The following EYS variants were observed in gnomAD, a reference collection of about 807,000 sequenced individuals.
EYS encodes the protein protein eyes shut homolog.
Under a neutral mutation model 282.1 loss-of-function variants are expected in EYS, and 250 were observed. The observed-to-expected ratio is 0.89, with a 90% CI of 0.80 to 0.98. The LOEUF is 0.98. EYS is among the 50% of genes least tolerant of loss of function. EYS has a pLI of 0.00. For missense variants in EYS, 4,016 were observed against 3,709.0 expected, an observed-to-expected ratio of 1.08 and a Z score of -2.15; for synonymous variants, 1,355 against 1,282.9, an observed-to-expected ratio of 1.06 and a Z score of -1.20.
intron 22 of EYS, among the ~76,000 whole-genome samples, chr6:64,641,459 C>G (rs1188020977): frequency 6.6e-6 from 1 of 152,160 alleles, no homozygotes; most frequent in Non-Finnish European, 1.5e-5. Flanking sequence ...TTACATGGTA[C>G]AGATTGCATG....
chr6:64,782,599 A>G (rs2149994691), intron 22 of EYS, among the ~76,000 whole-genome samples: 1 of 152,310 alleles, frequency 6.6e-6, no homozygotes, highest in East Asian at 1.9e-4. Flanking sequence ...CTCTTTAAAA[A>G]ACTTAACTGC....
chr6:64,071,716 C>A (rs956929956), intron 32 of EYS, among the ~76,000 whole-genome samples: 13 of 146,052 alleles, frequency 8.9e-5, no homozygotes, highest in African/African-American at 3.0e-4. Flanking sequence ...TTTTTATATA[C>A]CCTTTTAAAA....
intron 4 of EYS, among the ~76,000 whole-genome samples, chr6:65,493,001 C>CT (rs1277617831): frequency 6.6e-6 from 1 of 152,160 alleles, no homozygotes; most frequent in Non-Finnish European, 1.5e-5. Flanking sequence ...ACTACAAACT[C>CT]TACCTCCTGG....
At chr6:64,794,487 C>T (rs1448383603) in intron 22 of EYS, among the ~76,000 whole-genome samples, 1 of 152,066 alleles carries the variant, frequency 6.6e-6, no homozygotes, top group Non-Finnish European at 1.5e-5. Flanking sequence ...CTCTCTTCTG[C>T]CCACCATGTG....
At chr6:64,439,110 A>T in intron 27 of EYS, 52 bp downstream of exon 27, 1 of 1,019,804 alleles carries the variant, frequency 9.8e-7, no homozygotes, top group African/African-American at 1.7e-5. Context: ...TGAAGCACAT[A>T]ATTAGAACAA....
chr6:63,859,468 T>C (rs434873), intron 36 of EYS, among the ~76,000 whole-genome samples: 150,971 of 151,932 alleles, frequency 0.99, 75,016 homozygotes, highest in Middle Eastern at 1. Flanking sequence ...ATTGAGAGGC[T>C]TAAGTTGGGA....
intron 24 of EYS, among the ~76,000 whole-genome samples, chr6:64,595,273 C>A (rs1239191898): frequency 6.6e-6 from 1 of 151,964 alleles, no homozygotes; most frequent in Non-Finnish European, 1.5e-5. Flanking sequence ...ACAAATTTGG[C>A]ATTAAAAAAT....
At chr6:64,920,916 T>G (rs1036772764) in intron 15 of EYS, among the ~76,000 whole-genome samples, 1 of 152,148 alleles carries the variant, frequency 6.6e-6, no homozygotes, top group Admixed American at 6.5e-5. Flanking sequence ...GCATGTCAGG[T>G]GTTTCATATG....
chr6:64,660,957 T>C (rs1768990549), intron 22 of EYS, among the ~76,000 whole-genome samples: 2 of 152,184 alleles, frequency 1.3e-5, no homozygotes, highest in Non-Finnish European at 2.9e-5. Flanking sequence ...AGAACAAAGC[T>C]GGAGGCATCA....
chr6:65,444,393 C>G (rs968479366), intron 5 of EYS, among the ~76,000 whole-genome samples: 1 of 151,912 alleles, frequency 6.6e-6, no homozygotes, highest in African/African-American at 2.4e-5. Flanking sequence ...TTATTCTCCC[C>G]TCCTTCACAA....
At chr6:65,242,160 C>CA (rs1373685120) in intron 12 of EYS, among the ~76,000 whole-genome samples, 8 of 151,954 alleles carry the variant, frequency 5.3e-5, no homozygotes, top group African/African-American at 1.9e-4. Context: ...ACGAACTATA[C>CA]ACTTTACCAT....
intron 31 of EYS, among the ~76,000 whole-genome samples, chr6:64,158,502 A>G (rs1039861171): frequency 6.6e-6 from 1 of 152,186 alleles, no homozygotes; most frequent in African/African-American, 2.4e-5. Context: ...AGTGATATGC[A>G]TTGAATTAAT....
At chr6:63,986,807 C>T (rs1767388923) in intron 34 of EYS, among the ~76,000 whole-genome samples, 4 of 151,364 alleles carry the variant, frequency 2.6e-5, no homozygotes. Flanking sequence ...GGTAGGGGAG[C>T]AGAAAAAATA....
chr6:64,735,689 AAG>A (rs1490448250), intron 22 of EYS, among the ~76,000 whole-genome samples: 1 of 152,200 alleles, frequency 6.6e-6, no homozygotes, highest in Non-Finnish European at 1.5e-5. Context: ...CATATCAAAA[AAG>A]AAATATTTAC....
At chr6:64,543,402 T>C (rs917434200) in intron 26 of EYS, among the ~76,000 whole-genome samples, 4 of 152,082 alleles carry the variant, frequency 2.6e-5, no homozygotes, top group African/African-American at 9.7e-5. Context: ...AAATTGGCTT[T>C]TTTCCTTGAT....
chr6:65,642,598 TACCTGTTA>T (rs1767315583), intron 1 of EYS, among the ~76,000 whole-genome samples: 1 of 152,166 alleles, frequency 6.6e-6, no homozygotes, highest in Non-Finnish European at 1.5e-5. Context: ...GTGGGACACT[TACCTGTTA>T]GACTCTTCAT....
chr6:64,078,436 C>G (rs987413935), intron 32 of EYS, among the ~76,000 whole-genome samples: 3 of 151,982 alleles, frequency 2.0e-5, no homozygotes, highest in Non-Finnish European at 4.4e-5. Context: ...TTACAAAAAT[C>G]TTTGTGCTCA....
At chr6:63,904,457 C>T (rs1773728231) in intron 35 of EYS, among the ~76,000 whole-genome samples, 1 of 152,134 alleles carries the variant, frequency 6.6e-6, no homozygotes, top group Non-Finnish European at 1.5e-5. Context: ...GTTCAATATA[C>T]CTGGAAGCAT....
intron 29 of EYS, among the ~76,000 whole-genome samples, chr6:64,325,893 A>G (rs1229845769): frequency 6.6e-6 from 1 of 152,142 alleles, no homozygotes; most frequent in African/African-American, 2.4e-5. Context: ...AAAGTCTCCA[A>G]AAAGTCTGGG....
Sources: gnomAD v4.1 joint callset for allele counts (sites outside exome capture counted in the v4.1 genomes callset) on GRCh38, gnomAD v4.1.1 for gene constraint, MANE v1.5 for transcripts, NCBI Gene and HGNC (gene_info 2026-07-23, HGNC 2026-07-21) for gene names.